The following GRIN2B variants were observed in gnomAD, a reference collection of about 807,000 sequenced individuals.
GRIN2B encodes glutamate ionotropic receptor NMDA type subunit 2B.
Under a neutral mutation model 114.5 loss-of-function variants are expected in GRIN2B, and 5 were observed. The observed-to-expected ratio is 0.04, with a 90% CI of 0.02 to 0.09. The LOEUF is 0.09. Ranked by LOEUF, GRIN2B falls within the 10% of genes least tolerant of loss-of-function variation. The pLI, the probability that GRIN2B is intolerant of heterozygous loss-of-function variation, is 1.00. For missense variants in GRIN2B, 1,108 were observed against 1,943.5 expected, an observed-to-expected ratio of 0.57 and a Z score of 8.08; for synonymous variants, 787 against 745.1, an observed-to-expected ratio of 1.06 and a Z score of -0.92.
intron 5 of GRIN2B, among the ~76,000 whole-genome samples, chr12:13,663,634 C>T (rs1182776344): frequency 6.6e-6 from 1 of 152,090 alleles, no homozygotes; most frequent in Non-Finnish European, 1.5e-5. Flanking sequence ...TTTTAAAAAT[C>T]CCTGTGCAAA....
chr12:13,701,513 C>CAAA (rs10536664), intron 4 of GRIN2B, among the ~76,000 whole-genome samples: 14 of 130,782 alleles, frequency 1.1e-4, no homozygotes, highest in African/African-American at 2.8e-4. Context: ...TTCAGTGGCA[C>CAAA]AAAAAAAAAA....
At chr12:13,979,362 C>G (rs1863088491) in intron 2 of GRIN2B, among the ~76,000 whole-genome samples, 1 of 151,920 alleles carries the variant, frequency 6.6e-6, no homozygotes, top group Non-Finnish European at 1.5e-5. Flanking sequence ...GATCTCTGGG[C>G]CCCTTGTCAA....
At position 13,745,972 on chromosome 12, in the gene GRIN2B, TA is replaced by T. The variant is rs78396402; in HGVS notation, c.1010+7344del. Among the ~76,000 whole-genome samples the T allele has an allele frequency of 3.3e-5, 5 of 151,870 alleles. No homozygotes were observed. The East Asian group carries it at 7.8e-4, about 24-fold the overall frequency. On this transcript the variant is annotated intron_variant, in intron 4 of 13. Transcript: ENST00000609686. ...GGCACTGTGCTGAGAATACAAAGGTTAAAAAAAACACCTTGCTCTCATTGAG... is the reference window on the plus strand; with the variant it reads ...GGCACTGTGCTGAGAATACAAAGGTTAAAAAAACACCTTGCTCTCATTGAG...
chr12:13,849,171 T>A (rs1353386672), intron 3 of GRIN2B, among the ~76,000 whole-genome samples: 1 of 151,976 alleles, frequency 6.6e-6, no homozygotes, highest in African/African-American at 2.4e-5. Context: ...AAAAATGACA[T>A]GGCAGGCAAG....
Position 13,563,635 on chromosome 12 carries a change from C to G in GRIN2B, c.3603G>C (p.Leu1201=). ...SGVPAPWEKN[L]TNVEWEDRSG... ...ACCGGTCCTCCCACTCCACGTTGGTCAGGTTCTTCTCCCAAGGTGCAGGTA... is the reference window on the plus strand; with the variant it reads ...ACCGGTCCTCCCACTCCACGTTGGTGAGGTTCTTCTCCCAAGGTGCAGGTA... Residue 1201 remains leucine, a synonymous_variant, in exon 14 of 14, where the codon CTG becomes CTC. Transcript: ENST00000609686. 1 of 1,613,910 alleles carries G rather than the reference C, an allele frequency of 6.2e-7. No homozygotes were observed. The highest frequency in any genetic ancestry group is 8.5e-7 in the Non-Finnish European group (1 of 1,180,034).
intron 13 of GRIN2B, among the ~76,000 whole-genome samples, chr12:13,566,760 T>A (rs1238215437): frequency 6.6e-6 from 1 of 152,222 alleles, no homozygotes; most frequent in Non-Finnish European, 1.5e-5. Flanking sequence ...AATTTTCCAT[T>A]TTGACAGATC....
chr12:13,705,572 G>A (rs551342731), intron 4 of GRIN2B, among the ~76,000 whole-genome samples: 1 of 152,198 alleles, frequency 6.6e-6, no homozygotes, highest in East Asian at 1.9e-4. Flanking sequence ...AAAATGCACT[G>A]TATCACCCAT....
intron 3 of GRIN2B, among the ~76,000 whole-genome samples, chr12:13,792,646 G>A (rs907742945): frequency 5.9e-5 from 9 of 152,234 alleles, no homozygotes; most frequent in African/African-American, 2.2e-4. Flanking sequence ...AGTATCCACA[G>A]GGGTCTGTGC....
In GRIN2B at chr12:13,574,838, C is replaced by T. The variant is rs1481729379; in HGVS notation, c.2011-2874G>A. On this transcript the variant is annotated intron_variant, in intron 10 of 13. Coordinates refer to ENST00000609686, the MANE Select transcript of GRIN2B (RefSeq NM_000834.5). ...ATTTACACTACCTGACTTTAAGATT[C>T]ATTATAAAGCTACAGTAATCACGAG... Among the ~76,000 whole-genome samples, 6 of 152,170 alleles carry T rather than the reference C, an allele frequency of 3.9e-5. No individual in the cohort carries two copies. The South Asian group carries it at 1.2e-3, about 32-fold the overall frequency.
At chr12:13,603,969 A>G (rs1949202164) in intron 10 of GRIN2B, among the ~76,000 whole-genome samples, 1 of 152,172 alleles carries the variant, frequency 6.6e-6, no homozygotes, top group South Asian at 2.1e-4. Flanking sequence ...CAAATAGCAT[A>G]CACAGAGCAT....
intron 5 of GRIN2B, among the ~76,000 whole-genome samples, chr12:13,643,970 G>A (rs1949741591): frequency 6.6e-6 from 1 of 152,042 alleles, no homozygotes; most frequent in South Asian, 2.1e-4. Flanking sequence ...ATTCCTTAAA[G>A]TCATCCATGA....
chr12:13,652,222 C>T (rs372822385), intron 5 of GRIN2B, among the ~76,000 whole-genome samples: 238 of 151,906 alleles, frequency 1.6e-3, no homozygotes, highest in African/African-American at 4.2e-3. Context: ...TCAAATGTTT[C>T]CTTCTCTGGC....
At chr12:13,851,235 G>A (rs1265305377) in intron 3 of GRIN2B, among the ~76,000 whole-genome samples, 1 of 152,120 alleles carries the variant, frequency 6.6e-6, no homozygotes, top group Non-Finnish European at 1.5e-5. Flanking sequence ...ATCTGATGGT[G>A]GATTTCAGCG....
intron 3 of GRIN2B, among the ~76,000 whole-genome samples, chr12:13,833,290 C>T (rs1218813109): frequency 1.3e-5 from 2 of 152,170 alleles, no homozygotes; most frequent in Non-Finnish European, 1.5e-5. Flanking sequence ...GAGGTAGGTA[C>T]TCAAACAGGA....
chr12:13,707,500 A>G (rs1420678451), intron 4 of GRIN2B, among the ~76,000 whole-genome samples: 1 of 152,162 alleles, frequency 6.6e-6, no homozygotes, highest in Non-Finnish European at 1.5e-5. Flanking sequence ...TGTAGTTTCC[A>G]AAAGATTAAC....
intron 5 of GRIN2B, among the ~76,000 whole-genome samples, chr12:13,665,364 C>G (rs745374763): frequency 6.6e-6 from 1 of 152,162 alleles, no homozygotes; most frequent in Non-Finnish European, 1.5e-5. Flanking sequence ...ACCTCCAGCT[C>G]CACCCCAGAT....
intron 4 of GRIN2B, among the ~76,000 whole-genome samples, chr12:13,701,079 A>T (rs1950308256): frequency 6.6e-6 from 1 of 152,174 alleles, no homozygotes; most frequent in African/African-American, 2.4e-5. Flanking sequence ...CAGGAAGAAG[A>T]AGTGCACACA....
At chr12:13,780,254 T>G (rs564744268) in intron 3 of GRIN2B, among the ~76,000 whole-genome samples, 3 of 152,250 alleles carry the variant, frequency 2.0e-5, no homozygotes, top group Non-Finnish European at 4.4e-5. Context: ...TATTTACCTA[T>G]TGTATGCATC....
chr12:13,564,932 T>A lies in GRIN2B; in HGVS notation c.2599-293A>T, dbSNP rs1203029412. On this transcript the variant is annotated intron_variant, in intron 13 of 13. Coordinates refer to ENST00000609686, the MANE Select transcript of GRIN2B (RefSeq NM_000834.5). This position sits in a 1 kb window ranked among gnomAD's most constrained non-coding sequence, Gnocchi z 4.8. ...AATCATAAGATATGGCATTTTTGCC[T>A]CAGCTTCACTGTTGACTTACCGTGG... is the stretch of plus-strand genomic sequence containing the variant. 1.3e-5 allele frequency among the ~76,000 whole-genome samples: 2 copies of A among 152,242 alleles called. No individual in the cohort carries two copies. The highest frequency in any genetic ancestry group is 2.9e-5 in the Non-Finnish European group (2 of 68,042).
Sources: gnomAD v4.1 joint callset for allele counts (sites outside exome capture counted in the v4.1 genomes callset) on GRCh38, gnomAD v4.1.1 for gene constraint, Gnocchi (gnomAD v3.1) non-coding constraint, MANE v1.5 for transcripts, NCBI Gene and HGNC (gene_info 2026-07-23, HGNC 2026-07-21) for gene names.